The following NAV2 variants were observed in gnomAD, a reference collection of about 807,000 sequenced individuals.
The protein encoded by NAV2 is helicase, APC down-regulated 1.
NAV2 carries 54 observed loss-of-function variants against 223.2 expected under a neutral mutation model. That is an observed-to-expected ratio of 0.24 (90% CI 0.19 to 0.30). NAV2 has a LOEUF of 0.30. Ranked by LOEUF, NAV2 falls within the 10% of genes least tolerant of loss-of-function variation. The pLI, the probability that NAV2 is intolerant of heterozygous loss-of-function variation, is 1.00. For missense variants in NAV2, 2,806 were observed against 3,147.5 expected, an observed-to-expected ratio of 0.89 and a Z score of 2.60; for synonymous variants, 1,279 against 1,239.3, an observed-to-expected ratio of 1.03 and a Z score of -0.67.
At position 19,946,442 on chromosome 11, in the gene NAV2, A is replaced by G. The variant is rs1189950121; in HGVS notation, c.2188A>G (p.Ile730Val). Residue 730 changes from isoleucine (I) to valine (V), a missense_variant, in exon 9 of 38, where the codon ATC (isoleucine) becomes GTC (valine). By Grantham distance (29) the Ile-to-Val change is conservative. Transcript: ENST00000349880. Reference sequence around the variant, plus strand: ...TCGGCGGCTGCGGACAGTGAAGAACATCGCTGATCTGCGGCAGAATTTGGA... The same window carrying G: ...TCGGCGGCTGCGGACAGTGAAGAACGTCGCTGATCTGCGGCAGAATTTGGA... ...EARRLRTVKN[I>V]ADLRQNLEET... 1.2e-6 allele frequency: 2 copies of G among 1,613,714 alleles called. No individual in the cohort carries two copies. The highest frequency in any genetic ancestry group is 1.3e-5 in the African/African-American group (1 of 74,926).
intron 9 of NAV2, 36 bp from the exon 10 acceptor site, chr11:19,948,650 CTAGGT>C: frequency 6.6e-7 from 1 of 1,514,182 alleles, no homozygotes; most frequent in Non-Finnish European, 8.8e-7. Context: ...GTGAAGGATA[CTAGGT>C]ACCTTTGAGT....
intron 6 of NAV2, among the ~76,000 whole-genome samples, chr11:19,897,188 A>T (rs557759850): frequency 6.6e-6 from 1 of 152,164 alleles, no homozygotes; most frequent in South Asian, 2.1e-4. Flanking sequence ...AACAATGAGA[A>T]CACATGAACA....
intron 36 of NAV2, among the ~76,000 whole-genome samples, chr11:20,111,625 G>A (rs545280191): frequency 1.3e-5 from 2 of 152,354 alleles, no homozygotes; most frequent in South Asian, 4.1e-4. Context: ...AAAGTCTGCA[G>A]GGTAACTCAA....
chr11:19,698,224 A>G (rs559418558), intron 1 of NAV2, among the ~76,000 whole-genome samples: 1 of 152,324 alleles, frequency 6.6e-6, no homozygotes, highest in African/African-American at 2.4e-5. Context: ...ACCTCTAGGA[A>G]GCTCACTTTT....
At chr11:19,537,370 A>T (rs893175526) in intron 1 of NAV2, among the ~76,000 whole-genome samples, 3 of 152,198 alleles carry the variant, frequency 2.0e-5, no homozygotes, top group Non-Finnish European at 4.4e-5. Context: ...AGGAAAGTCT[A>T]ATATTATTAT....
intron 1 of NAV2, among the ~76,000 whole-genome samples, chr11:19,634,316 A>C (rs1439422594): frequency 6.6e-6 from 1 of 152,238 alleles, no homozygotes; most frequent in Non-Finnish European, 1.5e-5. Context: ...AGAAGGAAAC[A>C]ACAGACCCTG....
At chr11:20,062,043 G>A (rs2058741550) in intron 19 of NAV2, among the ~76,000 whole-genome samples, 1 of 152,188 alleles carries the variant, frequency 6.6e-6, no homozygotes, top group Admixed American at 6.5e-5. Flanking sequence ...TTTTTGTTCA[G>A]TAATCATATA....
intron 1 of NAV2, among the ~76,000 whole-genome samples, chr11:19,736,131 G>C (rs537748501): frequency 6.6e-6 from 1 of 152,106 alleles, no homozygotes; most frequent in Non-Finnish European, 1.5e-5. Flanking sequence ...GTATGCAGCA[G>C]TGACCCTATA....
intron 6 of NAV2, among the ~76,000 whole-genome samples, chr11:19,895,725 T>C (rs2041922668): frequency 6.6e-6 from 1 of 152,180 alleles, no homozygotes; most frequent in Non-Finnish European, 1.5e-5. Flanking sequence ...CCCAGGTTTT[T>C]TTTTATACTA....
In NAV2 at chr11:20,118,375, G is replaced by A. The variant is rs2153732894; in HGVS notation, c.*117G>A. Reference sequence around the variant, plus strand: ...CCCCAGCCACAGCCTTAGAGCTGCGGGAACACCGAGACCCCCCGTCCTTCA... The same window carrying A: ...CCCCAGCCACAGCCTTAGAGCTGCGAGAACACCGAGACCCCCCGTCCTTCA... On this transcript the variant is annotated 3_prime_UTR_variant, in exon 38 of 38. Transcript: ENST00000349880. 5.7e-6 allele frequency: 7 copies of A among 1,224,762 alleles called. No homozygotes were observed. The South Asian group carries it at 8.4e-5, about 15-fold the overall frequency. The allele number at this position is 1,224,762 out of a possible 1,614,324, so 75.9% of individuals were successfully genotyped here.
chr11:20,068,575 TG>T (rs1274116675), intron 22 of NAV2, among the ~76,000 whole-genome samples, 177 bp downstream of exon 22: 4 of 152,206 alleles, frequency 2.6e-5, no homozygotes, highest in African/African-American at 9.6e-5. Flanking sequence ...TTTGTGACTT[TG>T]GGTAAGTTCT....
intron 6 of NAV2, among the ~76,000 whole-genome samples, chr11:19,896,852 T>A (rs1466176012): frequency 6.6e-6 from 1 of 152,230 alleles, no homozygotes; most frequent in Non-Finnish European, 1.5e-5. Flanking sequence ...GAACTAGAAA[T>A]ACCATTTGAC....
intron 1 of NAV2, chr11:19,504,489 G>A (rs2043060184): frequency 6.6e-6 from 1 of 152,184 alleles, no homozygotes; most frequent in Non-Finnish European, 1.5e-5. Context: ...TTTGGGGAGG[G>A]AGGGAGGTTC....
At chr11:19,662,838 C>T (rs894135314) in intron 1 of NAV2, among the ~76,000 whole-genome samples, 5 of 152,250 alleles carry the variant, frequency 3.3e-5, no homozygotes, top group African/African-American at 1.2e-4. Flanking sequence ...ACGCCCTCCT[C>T]TTGCCACTCC....
At chr11:20,033,024 G>A (rs967165012) in intron 11 of NAV2, among the ~76,000 whole-genome samples, 4 of 152,216 alleles carry the variant, frequency 2.6e-5, no homozygotes, top group Admixed American at 2.6e-4. Context: ...TTGGCATGTG[G>A]CACAGGCTCA....
chr11:19,541,624 C>T (rs2044345607), intron 1 of NAV2, among the ~76,000 whole-genome samples: 1 of 152,192 alleles, frequency 6.6e-6, no homozygotes, highest in Non-Finnish European at 1.5e-5. Flanking sequence ...GGCCCCTTAT[C>T]TTTTTGACCC....
intron 11 of NAV2, among the ~76,000 whole-genome samples, chr11:20,016,271 T>A (rs1054502087): frequency 1.3e-5 from 2 of 152,176 alleles, no homozygotes; most frequent in Non-Finnish European, 2.9e-5. Flanking sequence ...ATTTGTGAGT[T>A]GAGGCTGAAG....
intron 1 of NAV2, among the ~76,000 whole-genome samples, chr11:19,703,375 C>G (rs549884755): frequency 2.6e-5 from 4 of 152,324 alleles, no homozygotes; most frequent in Admixed American, 1.3e-4. Context: ...GGGGCAGAGT[C>G]AGAGGGTAGG....
intron 6 of NAV2, among the ~76,000 whole-genome samples, chr11:19,918,533 AG>A (rs1488848499): frequency 2.0e-5 from 3 of 152,212 alleles, no homozygotes; most frequent in African/African-American, 7.2e-5. Context: ...GTGTGAGCAG[AG>A]AAGAACAACA....
Sources: gnomAD v4.1 joint callset for allele counts (sites outside exome capture counted in the v4.1 genomes callset) on GRCh38, gnomAD v4.1.1 for gene constraint, MANE v1.5 for transcripts, NCBI Gene and HGNC (gene_info 2026-07-23, HGNC 2026-07-21) for gene names.